Variants in MIR2052HG observed in about 807,000 individuals in gnomAD.
MIR2052HG encodes MIR2052 host gene.
intron 4 of MIR2052HG, among the ~76,000 whole-genome samples, chr8:74,730,141 T>A (rs1809677270): frequency 6.6e-6 from 1 of 152,172 alleles, no homozygotes; most frequent in Non-Finnish European, 1.5e-5. Flanking sequence ...AGGAATCAAG[T>A]GGCAACTGAC....
chr8:74,665,540 C>T (rs557720640), intron 2 of MIR2052HG, among the ~76,000 whole-genome samples: 1 of 152,196 alleles, frequency 6.6e-6, no homozygotes, highest in South Asian at 2.1e-4. Flanking sequence ...CATTGCTTCC[C>T]TCCTTGCTAT....
chr8:74,745,297 A>G (rs996254599), intron 4 of MIR2052HG, among the ~76,000 whole-genome samples: 24 of 152,202 alleles, frequency 1.6e-4, no homozygotes, highest in African/African-American at 5.8e-4. Flanking sequence ...TCTGATTACA[A>G]GGAAACAGTA....
At chr8:74,634,724 A>G (rs1277005572) in intron 2 of MIR2052HG, among the ~76,000 whole-genome samples, 1 of 152,110 alleles carries the variant, frequency 6.6e-6, no homozygotes, top group African/African-American at 2.4e-5. Flanking sequence ...CTCTTATTCA[A>G]TTTATAAGAC....
intron 2 of MIR2052HG, among the ~76,000 whole-genome samples, chr8:74,641,635 A>G (rs1030645346): frequency 3.9e-5 from 6 of 152,154 alleles, no homozygotes; most frequent in African/African-American, 1.4e-4. Context: ...TTAAGTACAA[A>G]AGTTGAGAAA....
chr8:74,723,620 G>A (rs1809602281), intron 4 of MIR2052HG, among the ~76,000 whole-genome samples: 1 of 152,118 alleles, frequency 6.6e-6, no homozygotes, highest in South Asian at 2.1e-4. Flanking sequence ...TCTATGCTCG[G>A]ACTCCAGGAA....
intron 1 of MIR2052HG, among the ~76,000 whole-genome samples, chr8:74,602,880 C>CTTTCTTTCTTTCTTTCTTTTTTT (rs1808042817): frequency 1.5e-4 from 2 of 13,542 alleles, no homozygotes; most frequent in Admixed American, 5.9e-4. Flanking sequence ...TTTCTTTTTT[C>CTTTCTTTCTTTCTTTCTTTTTTT]TATTCACAAA....
At chr8:74,612,973 G>A (rs1426581088) in intron 2 of MIR2052HG, 1 of 454,480 alleles carries the variant, frequency 2.2e-6, no homozygotes, top group Admixed American at 2.4e-5. Context: ...GCTGCACTGT[G>A]TGGGAAGACA....
chr8:74,635,037 T>A (rs550184347), intron 2 of MIR2052HG, among the ~76,000 whole-genome samples: 3 of 152,170 alleles, frequency 2.0e-5, no homozygotes, highest in Admixed American at 1.3e-4. Flanking sequence ...ACAGTGAAAA[T>A]GACTTATTAG....
intron 2 of MIR2052HG, chr8:74,632,556 GA>G (rs1395563587): frequency 1.3e-5 from 2 of 152,040 alleles, no homozygotes; most frequent in Non-Finnish European, 2.9e-5. Flanking sequence ...ATTAATTCTG[GA>G]AATAAAAGCA....
intron 1 of MIR2052HG, chr8:74,603,240 G>A (rs1049862773): frequency 7.7e-7 from 1 of 1,306,404 alleles, no homozygotes; most frequent in Non-Finnish European, 1.1e-6. Context: ...GATGGATCAT[G>A]GGTGGTGGTG....
intron 2 of MIR2052HG, among the ~76,000 whole-genome samples, chr8:74,634,216 A>G (rs1179926556): frequency 6.6e-6 from 1 of 152,168 alleles, no homozygotes; most frequent in Non-Finnish European, 1.5e-5. Context: ...GCATTCAGGA[A>G]AGAGATTTCA....
intron 2 of MIR2052HG, among the ~76,000 whole-genome samples, chr8:74,650,281 T>C (rs925346728): frequency 2.0e-5 from 3 of 152,204 alleles, no homozygotes; most frequent in Admixed American, 1.3e-4. Context: ...AATAAAATTA[T>C]ACAGTATGTA....
intron 2 of MIR2052HG, among the ~76,000 whole-genome samples, chr8:74,675,766 AATAG>A (rs562788279): frequency 9.2e-5 from 14 of 152,120 alleles, no homozygotes; most frequent in African/African-American, 2.9e-4. Flanking sequence ...GGCACAGTAA[AATAG>A]ATAGGAAGAC....
rs527441843 is a variant in MIR2052HG, at chr8:74,651,204, T to G, written n.216+38264T>G. 2.0e-5 allele frequency among the ~76,000 whole-genome samples: 3 copies of G among 152,208 alleles called. No homozygotes were observed. In the East Asian group the frequency reaches 5.8e-4, roughly 29 times the overall value. ...GCCACCATAGCCGTTGGGAACTGGTTGTTTTTAATGATGATTATTTTAATG... is the reference window on the plus strand; with the variant it reads ...GCCACCATAGCCGTTGGGAACTGGTGGTTTTTAATGATGATTATTTTAATG... On this transcript the variant is annotated intron_variant and non_coding_transcript_variant, in intron 2 of 6. Transcript: ENST00000523442.
chr8:74,741,182 G>C (rs573202985), intron 4 of MIR2052HG, among the ~76,000 whole-genome samples: 139 of 152,248 alleles, frequency 9.1e-4, no homozygotes, highest in African/African-American at 3.2e-3. Context: ...GAGCTTTGGA[G>C]GCTATTTGTA....
chr8:74,731,922 T>G (rs1809696191), intron 4 of MIR2052HG, among the ~76,000 whole-genome samples: 1 of 152,226 alleles, frequency 6.6e-6, no homozygotes, highest in Non-Finnish European at 1.5e-5. Context: ...TTAGTTTTCT[T>G]TTTGCAAACA....
intron 4 of MIR2052HG, among the ~76,000 whole-genome samples, chr8:74,741,284 T>C (rs773205653): frequency 1.3e-5 from 2 of 152,236 alleles, no homozygotes; most frequent in Non-Finnish European, 2.9e-5. Flanking sequence ...ACTCCTTTCC[T>C]GTATAACACT....
chr8:74,652,465 G>A (rs141761872), intron 2 of MIR2052HG, among the ~76,000 whole-genome samples: 57 of 152,244 alleles, frequency 3.7e-4, no homozygotes, highest in Non-Finnish European at 6.6e-4. Context: ...TGAACATGTG[G>A]CACATATGAG....
At chr8:74,633,680 C>CTGT (rs1392910310) in intron 2 of MIR2052HG, among the ~76,000 whole-genome samples, 2 of 152,160 alleles carry the variant, frequency 1.3e-5, no homozygotes, top group African/African-American at 4.8e-5. Flanking sequence ...TGCATGTGTA[C>CTGT]TGTTCATTGG....
Sources: allele counts gnomAD v4.1 joint callset (sites outside exome capture counted in the v4.1 genomes callset), GRCh38; gene constraint gnomAD v4.1.1; transcripts MANE v1.5; gene names NCBI Gene and HGNC (gene_info 2026-07-23, HGNC 2026-07-21).